The following SAR1B variants were observed in gnomAD, a reference collection of about 807,000 sequenced individuals.
SAR1B encodes secretion associated Ras related GTPase 1B.
Under a neutral mutation model 26.8 loss-of-function variants are expected in SAR1B, and 23 were observed. The observed-to-expected ratio is 0.86, with a 90% CI of 0.62 to 1.22. The LOEUF (loss-of-function observed/expected upper bound fraction) is 1.22. Among genes scored for constraint, SAR1B ranks in the 50% most tolerant of loss-of-function variants. The pLI, the probability that SAR1B is intolerant of heterozygous loss-of-function variation, is 0.00. For missense variants in SAR1B, 196 were observed against 232.8 expected, an observed-to-expected ratio of 0.84 and a Z score of 1.03; for synonymous variants, 65 against 80.8, an observed-to-expected ratio of 0.80 and a Z score of 1.05.
At chr5:134,614,282 A>G (rs886381570) in intron 3 of SAR1B, 9 of 152,198 alleles carry the variant, frequency 5.9e-5, no homozygotes, top group Non-Finnish European at 8.8e-5. Flanking sequence ...CCCTGAGCAC[A>G]TTCATAACGA....
chr5:134,612,254 A>C (rs1005466742), intron 4 of SAR1B, among the ~76,000 whole-genome samples: 1 of 152,156 alleles, frequency 6.6e-6, no homozygotes, highest in African/African-American at 2.4e-5. Flanking sequence ...ACCAAAAGCA[A>C]TTCTCATTTG....
chr5:134,617,162 G>A (rs1354943168), intron 3 of SAR1B, among the ~76,000 whole-genome samples: 1 of 152,028 alleles, frequency 6.6e-6, no homozygotes, highest in African/African-American at 2.4e-5. Flanking sequence ...AACCTGGGAG[G>A]TTGAGGCTGC....
In SAR1B at chr5:134,612,680, A is replaced by AAAAAAAAATTAAATTT; in HGVS notation, c.244+10_244+11insAAATTTAATTTTTTTT. Reference sequence around the variant, plus strand: ...AAAAAAAAAAAAAAAAAAAAAAAAAAAGAATCTTACCTTGAACATGTCCAC... The same window carrying AAAAAAAAATTAAATTT: ...AAAAAAAAAAAAAAAAAAAAAAAAAAAAAAAAAATTAAATTTAGAATCTTACCTTGAACATGTCCAC... On this transcript the variant is annotated intron_variant, in intron 4 of 6. Coordinates refer to ENST00000402673, the MANE Select transcript of SAR1B (RefSeq NM_016103.4). 9.6e-7 allele frequency: 1 copy of AAAAAAAAATTAAATTT among 1,043,434 alleles called. No individual in the cohort carries two copies. The highest frequency in any genetic ancestry group is 1.3e-6 in the Non-Finnish European group (1 of 760,638). 64.6% of individuals were successfully genotyped at this position (1,043,434 alleles called of 1,614,324 possible). A position where few individuals can be genotyped will look rare whatever the true frequency, so the allele number is the denominator to read the frequency against.
Position 134,604,140 on chromosome 5 carries a change from G to A in SAR1B, c.*2810C>T, listed in dbSNP as rs532291436. 6.6e-6 allele frequency: 1 copy of A among 152,356 alleles called. No homozygotes were observed. Among genetic ancestry groups the A allele is most frequent in the Non-Finnish European group, 1.5e-5 (1 of 68,034 alleles). 9.4% of individuals were successfully genotyped at this position (152,356 alleles called of 1,614,324 possible). On this transcript the variant is annotated 3_prime_UTR_variant, in exon 7 of 7. Transcript: ENST00000402673. ...ATTTAACCAGCTGTGATCCAAAAGT[G>A]TAATTAACGGCAGTCAGTGAAACAG...
At chr5:134,630,091 C>G (rs554298631) in intron 1 of SAR1B, among the ~76,000 whole-genome samples, 2 of 150,924 alleles carry the variant, frequency 1.3e-5, no homozygotes, top group Non-Finnish European at 3.0e-5. Flanking sequence ...AGTGAAACCC[C>G]GAGTTGGGAT....
chr5:134,608,375 T>C lies in SAR1B; in HGVS notation c.477A>G (p.Gly159=). ...EMFGLYGQTT[G]KGSISLKELN... ...ATAATTTTTTTTTTTTTTTTACCTT[T>C]CCTGTTGTCTGACCATATAAACCAA... The change falls in exon 6 of 7, where the codon GGA becomes GGG. Residue 159 remains glycine (G), a synonymous_variant. Transcript: ENST00000402673. The C allele has an allele frequency of 6.4e-7, 1 of 1,568,210 alleles. No homozygotes were observed. Among genetic ancestry groups the C allele is most frequent in the Non-Finnish European group, 8.7e-7 (1 of 1,155,294 alleles).
chr5:134,604,996 T>A lies in SAR1B; in HGVS notation c.*1954A>T, dbSNP rs1765104327. ...GTCATGTTCTACTTTTCCCATAGTG[T>A]TACTGAGGTTTCCAGGAAGGGAGGG... On this transcript the variant is annotated 3_prime_UTR_variant, in exon 7 of 7. Transcript: ENST00000402673. 6.6e-6 allele frequency: 1 copy of A among 152,224 alleles called. No individual in the cohort carries two copies. Among genetic ancestry groups the A allele is most frequent in the South Asian group, 2.1e-4 (1 of 4,832 alleles). 9.4% of individuals were successfully genotyped at this position (152,224 alleles called of 1,614,324 possible). A position where few individuals can be genotyped will look rare whatever the true frequency, so the allele number is the denominator to read the frequency against.
chr5:134,601,905 G>A lies in SAR1B; in HGVS notation c.*5045C>T, dbSNP rs1337160242. ...CTAACAATACAAATATTAGCCAGCT[G>A]TGGTGGCGCACGCCTGTAATCCAAG... On this transcript the variant is annotated 3_prime_UTR_variant, in exon 7 of 7. Coordinates refer to ENST00000402673, the MANE Select transcript of SAR1B (RefSeq NM_016103.4). 6.6e-6 allele frequency: 1 copy of A among 152,242 alleles called. No homozygotes were observed. Among genetic ancestry groups the A allele is most frequent in the Non-Finnish European group, 1.5e-5 (1 of 68,068 alleles). 9.4% of individuals were successfully genotyped at this position (152,242 alleles called of 1,614,324 possible). A position where few individuals can be genotyped will look rare whatever the true frequency, so the allele number is the denominator to read the frequency against.
chr5:134,603,779 A>G lies in SAR1B; in HGVS notation c.*3171T>C, dbSNP rs1765085115. 1 of 152,238 alleles carries G rather than the reference A, an allele frequency of 6.6e-6. No individual in the cohort carries two copies. Among genetic ancestry groups the G allele is most frequent in the South Asian group, 2.1e-4 (1 of 4,832 alleles). 9.4% of individuals were successfully genotyped at this position (152,238 alleles called of 1,614,324 possible). On this transcript the variant is annotated 3_prime_UTR_variant, in exon 7 of 7. Transcript: ENST00000402673. ...GTGCCACTGCACTCTAGCCTGGGCA[A>G]CAAAGCAAGACTCCATCTCAAAAAA...
intron 3 of SAR1B, chr5:134,613,370 A>G (rs1765252078): frequency 6.6e-6 from 1 of 152,364 alleles, no homozygotes; most frequent in Non-Finnish European, 1.5e-5. Context: ...TATCCTTTAC[A>G]GCACCAGGGA....
chr5:134,606,807 A>C lies in SAR1B; in HGVS notation c.*143T>G. On this transcript the variant is annotated 3_prime_UTR_variant, in exon 7 of 7. Transcript: ENST00000402673. ...GAATCAGTTTTCAATTCTCATTCAA[A>C]TTAAGTTGATTTAATATTAATAATC... 1 of 699,578 alleles carries C rather than the reference A, an allele frequency of 1.4e-6. No individual in the cohort carries two copies. 43.3% of individuals were successfully genotyped at this position (699,578 alleles called of 1,614,324 possible).
chr5:134,625,075 T>C lies in SAR1B; in HGVS notation c.-18-1038A>G, dbSNP rs539822481. Among the ~76,000 whole-genome samples, 30 of 152,324 alleles carry C rather than the reference T, an allele frequency of 2.0e-4. 2 individuals carry two copies. In the South Asian group the frequency reaches 6.0e-3, roughly 31 times the overall value. ...AAGAGGAGCTTGGACTGACAGCCTA[T>C]GTCTCTTGTCTAAGATTAGGAGGAA... On this transcript the variant is annotated intron_variant, in intron 1 of 6. Coordinates refer to ENST00000402673, the MANE Select transcript of SAR1B (RefSeq NM_016103.4).
chr5:134,624,432 G>T (rs185491058), intron 1 of SAR1B, among the ~76,000 whole-genome samples: 2 of 152,018 alleles, frequency 1.3e-5, no homozygotes, highest in African/African-American at 4.8e-5. Flanking sequence ...GAGGTGGGAC[G>T]ATTGCTTGAG....
chr5:134,615,192 C>CA (rs1765287994), intron 3 of SAR1B, among the ~76,000 whole-genome samples: 5 of 151,154 alleles, frequency 3.3e-5, no homozygotes, highest in Admixed American at 3.3e-4. Context: ...ACTAAAAATA[C>CA]AAAAAATTAG....
At chr5:134,628,770 C>A (rs1765543905) in intron 1 of SAR1B, among the ~76,000 whole-genome samples, 1 of 152,058 alleles carries the variant, frequency 6.6e-6, no homozygotes, top group Non-Finnish European at 1.5e-5. Flanking sequence ...TTCTCTGCCT[C>A]AGCCTCCCAA....
intron 1 of SAR1B, among the ~76,000 whole-genome samples, chr5:134,626,767 T>C (rs1191895382): frequency 1.3e-5 from 2 of 152,166 alleles, no homozygotes; most frequent in East Asian, 1.9e-4. Flanking sequence ...AGAGTAAGTA[T>C]ATTAGTGGTT....
intron 2 of SAR1B, among the ~76,000 whole-genome samples, chr5:134,623,504 T>TAAAAA (rs62986962): frequency 1.5e-5 from 2 of 137,888 alleles, no homozygotes; most frequent in Non-Finnish European, 3.1e-5. Flanking sequence ...TCTATAAAAT[T>TAAAAA]AAAAAAAAAA....
Position 134,623,987 on chromosome 5 carries a change from A to T in SAR1B, c.33T>A (p.Gly11=), listed in dbSNP as rs1208185312. 1 of 1,611,912 alleles carries T rather than the reference A, an allele frequency of 6.2e-7. No individual in the cohort carries two copies. Among genetic ancestry groups the T allele is most frequent in the South Asian group, 1.1e-5 (1 of 91,026 alleles). The part of the protein sequence containing the change: MSFIFDWIYS[G]FSSVLQFLGL... ...CTAAAAACTGTAGCACACTGCTGAA[A>T]CCACTGTAAATCCAATCAAATATGA... The change falls in exon 2 of 7, where the codon GGT becomes GGA. Residue 11 remains glycine (G), a synonymous_variant. Transcript: ENST00000402673.
intron 1 of SAR1B, among the ~76,000 whole-genome samples, chr5:134,627,084 G>T (rs557555507): frequency 5.3e-5 from 8 of 151,072 alleles, no homozygotes; most frequent in African/African-American, 1.9e-4. Flanking sequence ...ACAGAGTCTC[G>T]CCTGTCGCCC....
Sources: allele counts gnomAD v4.1 joint callset (sites outside exome capture counted in the v4.1 genomes callset), GRCh38; gene constraint gnomAD v4.1.1; transcripts MANE v1.5; gene names NCBI Gene and HGNC (gene_info 2026-07-23, HGNC 2026-07-21).